Variants in NF2 observed in about 807,000 individuals in gnomAD.
The protein encoded by NF2 is NF2, moesin-ezrin-radixin like (MERLIN) tumor suppressor.
A neutral mutation model predicts 83.7 loss-of-function variants in NF2; 8 were observed. That is an observed-to-expected ratio of 0.10 (90% CI 0.06 to 0.17). NF2 has a LOEUF of 0.17. Ranked by LOEUF, NF2 falls within the 10% of genes least tolerant of loss-of-function variation. The pLI, the probability that NF2 is intolerant of heterozygous loss-of-function variation, is 1.00. For synonymous variants in NF2, 266 were observed against 269.6 expected (o/e 0.99, Z 0.13); for missense variants, 533 against 744.4 (o/e 0.72, Z 3.31).
chr22:29,635,117 T>G (rs959387536), intron 1 of NF2, among the ~76,000 whole-genome samples: 2 of 152,090 alleles, frequency 1.3e-5, no homozygotes, highest in African/African-American at 4.8e-5. Flanking sequence ...AGGTTGCTGC[T>G]TTGCTTGACT....
In NF2 at chr22:29,681,439, A is replaced by C. The variant is rs1060503673; in HGVS notation, c.1575A>C (p.Lys525Asn). ...ATGCATGATACCCTCTTGCCGGCAG[A>C]GTGGAATACATGGAAAAGAGCAAGC... ...KRLSMEIEKE[K>N]VEYMEKSKHL... Residue 525 changes from lysine (K) to asparagine (N), a missense_variant and splice_region_variant, in exon 15 of 16, where the codon AAA becomes AAC. Physicochemically the swap from Lys to Asn is moderately conservative, Grantham distance 94. Coordinates refer to ENST00000338641, the MANE Select transcript of NF2 (RefSeq NM_000268.4). 1.2e-6 allele frequency: 2 copies of C among 1,614,008 alleles called. No individual in the cohort carries two copies. The highest frequency in any genetic ancestry group is 1.7e-6 in the Non-Finnish European group (2 of 1,179,946).
At position 29,668,590 on chromosome 22, in the gene NF2, C is replaced by T. The variant is rs553717379; in HGVS notation, c.999+144C>T. On this transcript the variant is annotated intron_variant, in intron 10 of 15. Transcript: ENST00000338641. Reference sequence around the variant, plus strand: ...TTATACCTTTTGGATCTTCATTTGCCGATGCCTACCTGGTGGGATGTCATC... The same window carrying T: ...TTATACCTTTTGGATCTTCATTTGCTGATGCCTACCTGGTGGGATGTCATC... 5.5e-5 allele frequency: 38 copies of T among 685,368 alleles called. No individual in the cohort carries two copies. In the Admixed American group the frequency reaches 6.2e-4, roughly 11 times the overall value. The allele number at this position is 685,368 out of a possible 1,614,324, so 42.5% of individuals were successfully genotyped here.
intron 4 of NF2, among the ~76,000 whole-genome samples, chr22:29,650,237 A>C (rs924021862): frequency 6.6e-5 from 10 of 152,210 alleles, no homozygotes; most frequent in Non-Finnish European, 1.2e-4. Flanking sequence ...TCAATAAAAA[A>C]TTTAAATAGA....
intron 1 of NF2, among the ~76,000 whole-genome samples, chr22:29,621,740 C>G (rs964838945): frequency 2.6e-4 from 39 of 152,054 alleles, no homozygotes; most frequent in African/African-American, 8.7e-4. Flanking sequence ...TTAGCTTGCT[C>G]CCTTTCTCAG....
In NF2 at chr22:29,615,416, T is replaced by C. The variant is rs553642302; in HGVS notation, c.114+11304T>C. Among the ~76,000 whole-genome samples, 35 of 151,564 alleles carry C rather than the reference T, an allele frequency of 2.3e-4. No homozygotes were observed. In the South Asian group the frequency reaches 7.3e-3, roughly 32 times the overall value. The stretch of plus-strand genomic sequence containing the variant: ...AGTGAGACCTTTTCTCTACAAAAAA[T>C]TTAAAAATTAGCCAGGCGTGGTGGC... On this transcript the variant is annotated intron_variant, in intron 1 of 15. Transcript: ENST00000338641.
At chr22:29,624,821 CT>C (rs2065308263) in intron 1 of NF2, among the ~76,000 whole-genome samples, 1 of 134,762 alleles carries the variant, frequency 7.4e-6, no homozygotes, top group Admixed American at 7.1e-5. Context: ...TTCTTTCTTT[CT>C]TTCTTTCTTT....
chr22:29,649,053 C>G (rs1259297446), intron 4 of NF2, among the ~76,000 whole-genome samples: 1 of 151,630 alleles, frequency 6.6e-6, no homozygotes, highest in Non-Finnish European at 1.5e-5. Flanking sequence ...CATCTTTGGG[C>G]ATATATGGAT....
At chr22:29,616,609 G>A (rs2065087002) in intron 1 of NF2, among the ~76,000 whole-genome samples, 1 of 152,150 alleles carries the variant, frequency 6.6e-6, no homozygotes, top group Admixed American at 6.5e-5. Flanking sequence ...GGGCGTGATG[G>A]CACACGCCTG....
intron 13 of NF2, among the ~76,000 whole-genome samples, chr22:29,676,109 C>T (rs2066955060): frequency 6.6e-6 from 1 of 152,040 alleles, no homozygotes; most frequent in South Asian, 2.1e-4. Context: ...CTGGAGTCGT[C>T]TGAGCAGTCA....
chr22:29,619,813 T>A (rs1200377077), intron 1 of NF2, among the ~76,000 whole-genome samples: 2 of 152,142 alleles, frequency 1.3e-5, no homozygotes, highest in Admixed American at 1.3e-4. Flanking sequence ...AAGAAACAGA[T>A]GCTGGCTAGT....
At chr22:29,692,319 C>T (rs1001961090) in intron 15 of NF2, among the ~76,000 whole-genome samples, 3 of 152,160 alleles carry the variant, frequency 2.0e-5, no homozygotes, top group African/African-American at 7.2e-5. Flanking sequence ...GTGGCTGAGG[C>T]GAAGCTCCTG....
intron 9 of NF2, among the ~76,000 whole-genome samples, chr22:29,667,641 C>T (rs2147048475): frequency 6.6e-6 from 1 of 152,298 alleles, no homozygotes; most frequent in African/African-American, 2.4e-5. Flanking sequence ...TCACCTTGGC[C>T]TCCGAAAGTG....
intron 1 of NF2, among the ~76,000 whole-genome samples, chr22:29,606,238 G>A (rs1218376171): frequency 1.3e-5 from 2 of 152,218 alleles, no homozygotes. Flanking sequence ...ATAGGCGTGA[G>A]CCACTGTGCC....
chr22:29,643,291 G>A (rs2065863610), intron 4 of NF2, among the ~76,000 whole-genome samples: 1 of 143,664 alleles, frequency 7.0e-6, no homozygotes, highest in Non-Finnish European at 1.5e-5. Context: ...TTACTTGTGT[G>A]ATTTTTTTTT....
chr22:29,628,140 C>CTGTG (rs3138701), intron 1 of NF2, among the ~76,000 whole-genome samples: 12,539 of 139,630 alleles, frequency 0.09, 508 homozygotes, highest in South Asian at 0.12. Context: ...GAGACTTAAT[C>CTGTG]TGTGTGTGTG....
At chr22:29,671,726 C>A (rs2066793623) in intron 10 of NF2, 100 bp from the exon 11 acceptor site, 2 of 1,560,042 alleles carry the variant, frequency 1.3e-6, no homozygotes, top group South Asian at 1.1e-5. Flanking sequence ...GGAAAAAGGT[C>A]CCAAAAGGGG....
At position 29,603,840 on chromosome 22, in the gene NF2, C is replaced by T. The variant is rs1244539443; in HGVS notation, c.-159C>T. The stretch of plus-strand genomic sequence containing the variant: ...TCCGCTCAGGCAGGGTCCTCGCGGC[C>T]CATGCTGGCCGCTGGGGACCCGCGC... On this transcript the variant is annotated 5_prime_UTR_variant, in exon 1 of 16. Transcript: ENST00000338641. The T allele has an allele frequency of 1.7e-6, 1 of 599,738 alleles. No homozygotes were observed. Among genetic ancestry groups the T allele is most frequent in the Non-Finnish European group, 2.9e-6 (1 of 342,068 alleles). The allele number at this position is 599,738 out of a possible 1,614,324, so 37.2% of individuals were successfully genotyped here. A position where few individuals can be genotyped will look rare whatever the true frequency, so the allele number is the denominator to read the frequency against.
intron 4 of NF2, 48 bp from the exon 5 acceptor site, chr22:29,654,609 A>T (rs775102416): frequency 6.7e-7 from 1 of 1,503,504 alleles, no homozygotes; most frequent in South Asian, 1.1e-5. Context: ...CAGAAATGGC[A>T]GTTATCTTTA....
rs188542915 is a variant in NF2 at position 29,625,096 on chromosome 22, T to C, written c.115-11655T>C. 3.5e-4 allele frequency among the ~76,000 whole-genome samples: 53 copies of C among 151,874 alleles called. No individual in the cohort carries two copies. In the East Asian group the frequency reaches 6.2e-3, roughly 18 times the overall value. ...TGGGACTACAGGCGTGCGCCACTAA[T>C]TTTTGTATTTTTAGGAGAGACGGGG... is the stretch of plus-strand genomic sequence containing the variant. On this transcript the variant is annotated intron_variant, in intron 1 of 15. Transcript: ENST00000338641.
Sources: gnomAD v4.1 joint callset for allele counts (sites outside exome capture counted in the v4.1 genomes callset) on GRCh38, gnomAD v4.1.1 for gene constraint, MANE v1.5 for transcripts, NCBI Gene and HGNC (gene_info 2026-07-23, HGNC 2026-07-21) for gene names.